Variants in SART1 observed in about 807,000 individuals in gnomAD.
SART1 encodes the protein U4/U6.U5 tri-snRNP-associated protein 1.
Under a neutral mutation model 105.0 loss-of-function variants are expected in SART1, and 28 were observed. The observed-to-expected ratio is 0.27, with a 90% CI of 0.20 to 0.37. The LOEUF (loss-of-function observed/expected upper bound fraction) is 0.37. Among genes scored for constraint, SART1 ranks in the 10% least tolerant of loss-of-function variants. The pLI, the probability that SART1 is intolerant of heterozygous loss-of-function variation, is 1.00. For missense variants in SART1, 894 were observed against 1,106.5 expected (o/e 0.81, Z 2.72); for synonymous variants, 472 against 462.9 (o/e 1.02, Z -0.25).
rs375720342 is a variant in SART1, at chr11:65,978,763, A to G, written c.2263-30A>G. The stretch of plus-strand genomic sequence containing the variant: ...GTGGCTGGTGTGTGGGGCCTGCTGC[A>G]GCCCTTTCTGAGTGGCCCCGACCCC... On this transcript the variant is annotated intron_variant, in intron 18 of 19. Transcript: ENST00000312397. This position sits in a 1 kb window ranked among gnomAD's most constrained non-coding sequence, Gnocchi z 6.8. 1.9e-6 allele frequency: 3 copies of G among 1,613,892 alleles called. No homozygotes were observed. Among genetic ancestry groups the G allele is most frequent in the Non-Finnish European group, 2.5e-6 (3 of 1,179,878 alleles).
chr11:65,967,228 C>T (rs972974100), intron 9 of SART1, 31 bp from the exon 10 acceptor site: 1 of 1,608,646 alleles, frequency 6.2e-7, no homozygotes, highest in Non-Finnish European at 8.5e-7. Context: ...TCTGTGGCCC[C>T]CGCTCCATGT....
chr11:65,978,531 C>T lies in SART1; in HGVS notation c.2173-69C>T, dbSNP rs1288956399. ...TCAACACCCGCCCTGTTATTATACA[C>T]CTTGTGGGCACAGGTGGCTCCGGCC... On this transcript the variant is annotated intron_variant, in intron 17 of 19. Coordinates refer to ENST00000312397, the MANE Select transcript of SART1 (RefSeq NM_005146.5). The surrounding 1 kb of genome is among the most constrained non-coding windows in gnomAD (Gnocchi z 6.8). The T allele has an allele frequency of 4.8e-6, 7 of 1,458,270 alleles. No individual in the cohort carries two copies. The highest frequency in any genetic ancestry group is 2.8e-5 in the African/African-American group (2 of 71,140). 90.3% of individuals were successfully genotyped at this position (1,458,270 alleles called of 1,614,324 possible). A position where few individuals can be genotyped will look rare whatever the true frequency, so the allele number is the denominator to read the frequency against.
chr11:65,971,749 G>A (rs1855383913), intron 12 of SART1, among the ~76,000 whole-genome samples: 1 of 152,016 alleles, frequency 6.6e-6, no homozygotes, highest in African/African-American at 2.4e-5. Context: ...CAAAGGAGAG[G>A]TTCTGTTGAT....
rs942703097 is a variant in SART1, at chr11:65,979,387, A to C, written c.*357A>C. 2.7e-6 allele frequency: 1 copy of C among 363,636 alleles called. No homozygotes were observed. Among genetic ancestry groups the C allele is most frequent in the Non-Finnish European group, 5.1e-6 (1 of 194,944 alleles). The allele number at this position is 363,636 out of a possible 1,614,324, so 22.5% of individuals were successfully genotyped here. A position where few individuals can be genotyped will look rare whatever the true frequency, so the allele number is the denominator to read the frequency against. ...CACTGTCCTGTAATGTCTCCCGGTCAGGGCAGCCCAGGACTGCCCAGCCTG... is the reference window on the plus strand; with the variant it reads ...CACTGTCCTGTAATGTCTCCCGGTCCGGGCAGCCCAGGACTGCCCAGCCTG... On this transcript the variant is annotated 3_prime_UTR_variant, in exon 20 of 20. Coordinates refer to ENST00000312397, the MANE Select transcript of SART1 (RefSeq NM_005146.5).
intron 12 of SART1, among the ~76,000 whole-genome samples, chr11:65,969,598 C>T (rs969816638): frequency 2.2e-4 from 34 of 152,084 alleles, no homozygotes; most frequent in African/African-American, 7.7e-4. Flanking sequence ...TACAGGCGTG[C>T]GCCTGTGGGT....
chr11:65,977,015 T>C lies in SART1; in HGVS notation c.1859T>C (p.Phe620Ser), dbSNP rs1006033593. 1 of 1,613,480 alleles carries C rather than the reference T, an allele frequency of 6.2e-7. No individual in the cohort carries two copies. Among genetic ancestry groups the C allele is most frequent in the Non-Finnish European group, 8.5e-7 (1 of 1,179,592 alleles). Residue 620 changes from phenylalanine to serine, a missense_variant and splice_region_variant, in exon 15 of 20, where the codon TTC becomes TCC. Around this residue, in one of 2 missense-constraint regions of SART1, gnomAD observed 182 missense variants for 328.3 expected, o/e 0.55. Coordinates refer to ENST00000312397, the MANE Select transcript of SART1 (RefSeq NM_005146.5). ...CCACCCCCGCCACGTGTCCCGTAGTTCTCTGCTTCCTCCACCACCATCCTG... is the reference window on the plus strand; with the variant it reads ...CCACCCCCGCCACGTGTCCCGTAGTCCTCTGCTTCCTCCACCACCATCCTG... Reference protein sequence around the residue: ...NLDEEKQQQDFSASSTTILDE... With the variant: ...NLDEEKQQQDSSASSTTILDE...
Position 65,966,476 on chromosome 11 carries a change from G to A in SART1, c.1108G>A (p.Ala370Thr), listed in dbSNP as rs764124258. The A allele has an allele frequency of 6.2e-7, 1 of 1,610,060 alleles. No homozygotes were observed. Among genetic ancestry groups the A allele is most frequent in the Non-Finnish European group, 8.5e-7 (1 of 1,177,922 alleles). ...LRERELEEIR[A>T]KLRLQAQSLS... ...GGAGCGGGAGCTGGAGGAGATCCGG[G>A]CCAAGCTGCGGCTGCAGGCTCAGTC... The change falls in exon 9 of 20, where the codon GCC becomes ACC. Residue 370 changes from alanine (A) to threonine (T), a missense_variant. Coordinates refer to ENST00000312397, the MANE Select transcript of SART1 (RefSeq NM_005146.5).
chr11:65,974,498 G>A (rs1052845698), intron 12 of SART1, among the ~76,000 whole-genome samples: 3 of 151,840 alleles, frequency 2.0e-5, no homozygotes, highest in African/African-American at 7.3e-5. Context: ...GGGCAACATG[G>A]TGAAACCCTG....
intron 12 of SART1, among the ~76,000 whole-genome samples, chr11:65,968,640 C>T (rs75094826): frequency 0.021 from 3,139 of 152,136 alleles, 27 homozygotes; most frequent in African/African-American, 0.024. Flanking sequence ...GCCAGCCTTG[C>T]GGGGGGTTAG....
chr11:65,964,070 C>G lies in SART1; in HGVS notation c.314-4C>G. On this transcript the variant is annotated splice_polypyrimidine_tract_variant and splice_region_variant and intron_variant, in intron 1 of 19. Coordinates refer to ENST00000312397, the MANE Select transcript of SART1 (RefSeq NM_005146.5). ...CTCCTGAGCCATGCTTCTTCTTGTT[C>G]CAGCTGCCAGCTCCAAAACTAGCTC... 1 of 1,611,308 alleles carries G rather than the reference C, an allele frequency of 6.2e-7. No individual in the cohort carries two copies. Among genetic ancestry groups the G allele is most frequent in the South Asian group, 1.1e-5 (1 of 91,062 alleles).
intron 12 of SART1, among the ~76,000 whole-genome samples, chr11:65,974,483 A>G (rs1203279481): frequency 6.6e-6 from 1 of 151,788 alleles, no homozygotes; most frequent in African/African-American, 2.4e-5. Flanking sequence ...TTTTGGGACC[A>G]GCCTGGGCAA....
rs370486013 is a variant in SART1, at chr11:65,966,036, C to T, written c.839-40C>T. On this transcript the variant is annotated intron_variant, in intron 7 of 19. Coordinates refer to ENST00000312397, the MANE Select transcript of SART1 (RefSeq NM_005146.5). Reference sequence around the variant, plus strand: ...TGGGGGCACAGCCTCTGCTGAGTTGCGGACAAGTGTGAATGGCCACTGCTC... The same window carrying T: ...TGGGGGCACAGCCTCTGCTGAGTTGTGGACAAGTGTGAATGGCCACTGCTC... The T allele has an allele frequency of 3.6e-5, 58 of 1,613,724 alleles. 1 individual carries two copies. In the African/African-American group the frequency reaches 5.5e-4, roughly 15 times the overall value.
chr11:65,968,292 C>T (rs1311296377), intron 12 of SART1, among the ~76,000 whole-genome samples: 1 of 152,148 alleles, frequency 6.6e-6, no homozygotes, highest in Non-Finnish European at 1.5e-5. Context: ...TTTTAGATGC[C>T]TGCTTTAGTA....
chr11:65,968,934 C>T (rs1354796501), intron 12 of SART1, among the ~76,000 whole-genome samples: 1 of 152,222 alleles, frequency 6.6e-6, no homozygotes, highest in Non-Finnish European at 1.5e-5. Flanking sequence ...AAGGTTCTGT[C>T]ATCTCCATCA....
intron 1 of SART1, among the ~76,000 whole-genome samples, chr11:65,963,171 T>C (rs1855180214): frequency 6.6e-6 from 1 of 151,896 alleles, no homozygotes; most frequent in East Asian, 1.9e-4. Context: ...ATGTTAGTAG[T>C]AGGCAGAGAA....
Position 65,974,932 on chromosome 11 carries a change from C to T in SART1, c.1573-1463C>T, listed in dbSNP as rs1046886467. On this transcript the variant is annotated intron_variant, in intron 12 of 19. Coordinates refer to ENST00000312397, the MANE Select transcript of SART1 (RefSeq NM_005146.5). ...GCGGGCGCCTGTAGTCCCAGCTACT[C>T]GGGAGGCTGAGGCAGGAGAATGCTG... Among the ~76,000 whole-genome samples the T allele has an allele frequency of 4.7e-4, 71 of 150,966 alleles. 1 individual carries two copies. Among genetic ancestry groups the T allele is most frequent in the African/African-American group, 1.4e-3 (59 of 41,102 alleles).
intron 12 of SART1, among the ~76,000 whole-genome samples, chr11:65,970,181 A>C (rs1855344537): frequency 6.6e-6 from 1 of 151,974 alleles, no homozygotes; most frequent in Non-Finnish European, 1.5e-5. Flanking sequence ...GACCACTGGG[A>C]GTTGCAGATA....
chr11:65,965,792 C>T lies in SART1; in HGVS notation c.738+13C>T, dbSNP rs757578405. The T allele has an allele frequency of 4.3e-6, 7 of 1,613,652 alleles. No individual in the cohort carries two copies. In the East Asian group the frequency reaches 1.6e-4, roughly 36 times the overall value. Reference sequence around the variant, plus strand: ...GCAGAGGCGGCAGGTGAGGCTGCAGCAGGGGTGGTACAGGGGACACTGGTG... The same window carrying T: ...GCAGAGGCGGCAGGTGAGGCTGCAGTAGGGGTGGTACAGGGGACACTGGTG... On this transcript the variant is annotated intron_variant, in intron 6 of 19. Coordinates refer to ENST00000312397, the MANE Select transcript of SART1 (RefSeq NM_005146.5).
At chr11:65,963,732 G>A (rs1285176755) in intron 1 of SART1, among the ~76,000 whole-genome samples, 1 of 152,068 alleles carries the variant, frequency 6.6e-6, no homozygotes, top group African/African-American at 2.4e-5. Flanking sequence ...CATCTGCCTC[G>A]GCCTCCCAAA....
Sources: allele counts gnomAD v4.1 joint callset (sites outside exome capture counted in the v4.1 genomes callset), GRCh38; gene constraint gnomAD v4.1.1; regional missense constraint gnomAD v4.1.1; non-coding constraint Gnocchi (gnomAD v3.1); transcripts MANE v1.5; gene names NCBI Gene and HGNC (gene_info 2026-07-23, HGNC 2026-07-21).